The following GABRA5 variants were observed in gnomAD, a reference collection of about 807,000 sequenced individuals.
GABRA5 encodes the protein gamma-aminobutyric acid type A receptor subunit alpha5, also known as gamma-aminobutyric acid receptor subunit alpha-5.
GABRA5 carries 18 observed loss-of-function variants against 47.3 expected under a neutral mutation model. That is an observed-to-expected ratio of 0.38 (90% CI 0.26 to 0.56). GABRA5 has a LOEUF of 0.56. Among genes scored for constraint, GABRA5 ranks in the 20% least tolerant of loss-of-function variants. The pLI is 0.71. For synonymous variants in GABRA5, 237 were observed against 229.3 expected (o/e 1.03, Z -0.30); for missense variants, 365 against 599.3 (o/e 0.61, Z 4.08).
intron 7 of GABRA5, among the ~76,000 whole-genome samples, 162 bp from the exon 8 acceptor site, chr15:26,937,023 C>T (rs557457850): frequency 2.0e-5 from 3 of 152,294 alleles, no homozygotes; most frequent in South Asian, 2.1e-4. Flanking sequence ...ACTGCAGTGG[C>T]GTCTGCCCTG....
intron 6 of GABRA5, among the ~76,000 whole-genome samples, chr15:26,902,272 A>G (rs1893345662): frequency 6.6e-6 from 1 of 152,132 alleles, no homozygotes; most frequent in East Asian, 1.9e-4. Flanking sequence ...ATTCCTATGA[A>G]TGAACATGGA....
intron 6 of GABRA5, among the ~76,000 whole-genome samples, chr15:26,895,605 G>A (rs1390671954): frequency 6.6e-6 from 1 of 152,024 alleles, no homozygotes; most frequent in Non-Finnish European, 1.5e-5. Context: ...GAGGTCAGGA[G>A]ATCGACACCA....
intron 7 of GABRA5, among the ~76,000 whole-genome samples, chr15:26,930,170 G>T (rs150636132): frequency 0.013 from 1,960 of 151,884 alleles, 50 homozygotes; most frequent in African/African-American, 0.045. Flanking sequence ...CCGCCACTAC[G>T]CCTGGCTAAT....
At chr15:26,929,323 G>A (rs780042807) in intron 7 of GABRA5, among the ~76,000 whole-genome samples, 1 of 152,194 alleles carries the variant, frequency 6.6e-6, no homozygotes, top group East Asian at 1.9e-4. Flanking sequence ...GGAGTGAGAG[G>A]TGCAGAGAAA....
rs573503088 is a variant in GABRA5 at position 26,869,400 on chromosome 15, G to A, written c.86+66G>A. ...CACTGGTGCCTTTCAGACATGTTAC[G>A]GGAGCAGCACATCCATTGAGCAAGT... On this transcript the variant is annotated intron_variant, in intron 3 of 10. Transcript: ENST00000335625. 75 of 955,990 alleles carry A rather than the reference G, an allele frequency of 7.8e-5. No individual in the cohort carries two copies. The East Asian group carries it at 8.8e-4, about 11-fold the overall frequency. The allele number at this position is 955,990 out of a possible 1,614,324, so 59.2% of individuals were successfully genotyped here. A position where few individuals can be genotyped will look rare whatever the true frequency, so the allele number is the denominator to read the frequency against.
rs1300255673 is a variant in GABRA5 at position 26,943,409 on chromosome 15, G to C, written c.1072G>C (p.Glu358Gln). 6.3e-7 allele frequency: 1 copy of C among 1,591,772 alleles called. No homozygotes were observed. Among genetic ancestry groups the C allele is most frequent in the Admixed American group, 1.8e-5 (1 of 56,962 alleles). The change falls in exon 10 of 11, where the codon GAA becomes CAA. Residue 358 changes from glutamate (E) to glutamine (Q), a missense_variant. Physicochemically the swap from Glu to Gln is conservative, Grantham distance 29. Transcript: ENST00000335625. ...GGCCTGGGATGGCAAAAAAGCCTTG[G>C]AAGCAGCCAAGATCAAGGTACTGAC... ...GWAWDGKKALEAAKIKKKREV... is the reference protein window; with the variant it reads ...GWAWDGKKALQAAKIKKKREV...
At chr15:26,911,644 G>C (rs914318627) in intron 6 of GABRA5, among the ~76,000 whole-genome samples, 4 of 152,112 alleles carry the variant, frequency 2.6e-5, no homozygotes, top group Admixed American at 2.6e-4. Flanking sequence ...CGGGGCCTTT[G>C]GGATGAGGTT....
At chr15:26,871,270 A>G (rs1448121020) in intron 3 of GABRA5, among the ~76,000 whole-genome samples, 1 of 152,256 alleles carries the variant, frequency 6.6e-6, no homozygotes. Flanking sequence ...TGCATTGAAT[A>G]AGCATGAAAT....
intron 6 of GABRA5, among the ~76,000 whole-genome samples, chr15:26,892,209 C>T (rs563247925): frequency 3.9e-4 from 60 of 152,384 alleles, no homozygotes; most frequent in Non-Finnish European, 7.6e-4. Flanking sequence ...GGTGACTAGA[C>T]ATTTATCACA....
In GABRA5 at chr15:26,883,211, G is replaced by T; in HGVS notation, c.254G>T (p.Gly85Val). 6.2e-7 allele frequency: 1 copy of T among 1,613,932 alleles called. No homozygotes were observed. Among genetic ancestry groups the T allele is most frequent in the Non-Finnish European group, 8.5e-7 (1 of 1,179,852 alleles). ...ACCGACATCTACGTCACCAGCTTCG[G>T]CCCGGTGTCCGACACGGAAATGGTA... ...VRTDIYVTSF[G>V]PVSDTEMEYT... The change falls in exon 5 of 11, where the codon GGC becomes GTC. Residue 85 changes from glycine (G) to valine (V), a missense_variant. Physicochemically the swap from Gly to Val is moderately radical, Grantham distance 109 (BLOSUM62 -3). Coordinates refer to ENST00000335625, the MANE Select transcript of GABRA5 (RefSeq NM_000810.4). This position sits in a 1 kb window ranked among gnomAD's most constrained non-coding sequence, Gnocchi z 4.8.
At chr15:26,930,115 C>T (rs542104923) in intron 7 of GABRA5, among the ~76,000 whole-genome samples, 25 of 151,380 alleles carry the variant, frequency 1.7e-4, no homozygotes, top group Non-Finnish European at 3.2e-4. Flanking sequence ...CGGGTTCAAG[C>T]GATTCTCCTG....
At chr15:26,914,724 C>A in intron 6 of GABRA5, 79 bp from the exon 7 acceptor site, 1 of 1,090,306 alleles carries the variant, frequency 9.2e-7, no homozygotes, top group South Asian at 1.3e-5. Flanking sequence ...CTTAATATGG[C>A]TTTCTGGGAC....
chr15:26,937,581 A>G (rs1894277200), intron 8 of GABRA5, among the ~76,000 whole-genome samples: 1 of 152,024 alleles, frequency 6.6e-6, no homozygotes, highest in Admixed American at 6.5e-5. Flanking sequence ...GTTGCGGTGG[A>G]CCTGCTTATA....
rs8024627 is a variant in GABRA5 at position 26,917,433 on chromosome 15, T to C, written c.580+2548T>C. On this transcript the variant is annotated intron_variant, in intron 7 of 10. Coordinates refer to ENST00000335625, the MANE Select transcript of GABRA5 (RefSeq NM_000810.4). ...ATCCCAGAGATAAATTCTGCTTGGATACGAATCTCTTAATGTGTTGCTGAA... is the reference window on the plus strand; with the variant it reads ...ATCCCAGAGATAAATTCTGCTTGGACACGAATCTCTTAATGTGTTGCTGAA... Among the ~76,000 whole-genome samples the C allele has an allele frequency of 7.7e-3, 1,176 of 152,156 alleles. 16 individuals carry two copies. Among genetic ancestry groups the C allele is most frequent in the African/African-American group, 0.027 (1,121 of 41,548 alleles).
chr15:26,943,968 GTTA>G (rs1166287322), intron 10 of GABRA5, among the ~76,000 whole-genome samples: 1 of 152,182 alleles, frequency 6.6e-6, no homozygotes, highest in Non-Finnish European at 1.5e-5. Flanking sequence ...AAGAAAAAAT[GTTA>G]TTCCAAGCTG....
chr15:26,895,073 G>A (rs569111348), intron 6 of GABRA5, among the ~76,000 whole-genome samples: 1 of 152,066 alleles, frequency 6.6e-6, no homozygotes, highest in East Asian at 2.0e-4. Flanking sequence ...CTGGTTTTAT[G>A]TATGGATGGC....
At chr15:26,935,618 C>T (rs983512476) in intron 7 of GABRA5, among the ~76,000 whole-genome samples, 5 of 152,204 alleles carry the variant, frequency 3.3e-5, no homozygotes, top group East Asian at 1.9e-4. Context: ...GTCCCCAGTC[C>T]GATTGAGGAA....
rs866424969 is a variant in GABRA5, at chr15:26,948,322, G to A, written c.*89G>A. On this transcript the variant is annotated 3_prime_UTR_variant, in exon 11 of 11. Coordinates refer to ENST00000335625, the MANE Select transcript of GABRA5 (RefSeq NM_000810.4). ...TTGCTCACAGGGACTCTCCATATGT[G>A]AGCACTATCTTTCAGGAAATTTTTG... 1.0e-5 allele frequency: 13 copies of A among 1,268,470 alleles called. No individual in the cohort carries two copies. In the Middle Eastern group the frequency reaches 1.9e-3, roughly 189 times the overall value. The allele number at this position is 1,268,470 out of a possible 1,614,324, so 78.6% of individuals were successfully genotyped here.
At position 26,938,430 on chromosome 15, in the gene GABRA5, G is replaced by A. The variant is rs147342332; in HGVS notation, c.724+1102G>A. Among the ~76,000 whole-genome samples, 141 of 152,216 alleles carry A rather than the reference G, an allele frequency of 9.3e-4. 1 individual carries two copies. The highest frequency in any genetic ancestry group is 3.3e-3 in the African/African-American group (135 of 41,500). ...GTAGTTCTTTAAATATTAATAACTG[G>A]GATTTCTACTCCTATTTGCATTCTA... On this transcript the variant is annotated intron_variant, in intron 8 of 10. Transcript: ENST00000335625.
Sources: allele counts gnomAD v4.1 joint callset (sites outside exome capture counted in the v4.1 genomes callset), GRCh38; gene constraint gnomAD v4.1.1; non-coding constraint Gnocchi (gnomAD v3.1); transcripts MANE v1.5; gene names NCBI Gene and HGNC (gene_info 2026-07-23, HGNC 2026-07-21).